HSD17B12: variants seen among roughly 807,000 people sequenced by gnomAD.
The protein encoded by HSD17B12 is hydroxysteroid 17-beta dehydrogenase 12.
In HSD17B12, 32 loss-of-function variants were observed where a neutral mutation model predicts 39.3. That is an observed-to-expected ratio of 0.81 (90% confidence interval 0.61 to 1.09). The LOEUF is 1.09. Among genes scored for constraint, HSD17B12 ranks in the 50% least tolerant of loss-of-function variants. The pLI, the probability that HSD17B12 is intolerant of heterozygous loss-of-function variation, is 0.00. For synonymous variants in HSD17B12, 150 were observed against 146.7 expected, an observed-to-expected ratio of 1.02 and a Z score of -0.16; for missense variants, 342 against 382.9, an observed-to-expected ratio of 0.89 and a Z score of 0.89.
rs987010384 is a variant in HSD17B12, at chr11:43,855,239, G to A, written c.930G>A (p.Lys310=). 1 of 1,599,800 alleles carries A rather than the reference G, an allele frequency of 6.3e-7. No individual in the cohort carries two copies. The highest frequency in any genetic ancestry group is 1.3e-5 in the African/African-American group (1 of 74,442). ...GGGCTCACTATCTGAAGAAAACCAA[G>A]AAGAACTAAGCATTGATAACTGCAT... ...STRAHYLKKT[K]KN The change falls in exon 11 of 11, where the codon AAG becomes AAA. Residue 310 remains lysine (K), a synonymous_variant. Coordinates refer to ENST00000278353, the MANE Select transcript of HSD17B12 (RefSeq NM_016142.3).
At chr11:43,574,957 G>C in the HSD17B12 span, among the ~76,000 whole-genome samples, 1 of 152,108 alleles carries the variant, frequency 6.6e-6, no homozygotes, top group Non-Finnish European at 1.5e-5. Flanking sequence ...TTCCTCTTCG[G>C]GTGGAGAGCA....
intron 3 of HSD17B12, among the ~76,000 whole-genome samples, chr11:43,767,186 G>A (rs1047106508): frequency 2.0e-5 from 3 of 150,916 alleles, no homozygotes; most frequent in African/African-American, 4.9e-5. Context: ...GATTATTGAT[G>A]GTTCAGTGAC....
intron 9 of HSD17B12, chr11:43,853,975 C>A (rs1319965789): frequency 6.6e-6 from 1 of 152,170 alleles, no homozygotes; most frequent in Non-Finnish European, 1.5e-5. Context: ...TGTTGAATCA[C>A]ATCCAAAATG....
the HSD17B12 span, among the ~76,000 whole-genome samples, chr11:43,588,610 C>CTTATTATTATTAT: frequency 2.8e-5 from 4 of 144,974 alleles, no homozygotes; most frequent in Non-Finnish European, 6.0e-5. Flanking sequence ...TTATTATTAG[C>CTTATTATTATTAT]TATTATTATT....
chr11:43,592,587 G>T, the HSD17B12 span, among the ~76,000 whole-genome samples: 1 of 152,130 alleles, frequency 6.6e-6, no homozygotes, highest in African/African-American at 2.4e-5. Context: ...AAGAAGCTGA[G>T]ACATGAAGTG....
At chr11:43,713,510 T>G (rs1468731671) in intron 1 of HSD17B12, among the ~76,000 whole-genome samples, 2 of 152,140 alleles carry the variant, frequency 1.3e-5, no homozygotes, top group African/African-American at 4.8e-5. Flanking sequence ...TGCCACATTT[T>G]CTTAATCCAG....
the HSD17B12 span, among the ~76,000 whole-genome samples, chr11:43,631,920 C>T: frequency 3.9e-5 from 6 of 152,124 alleles, no homozygotes; most frequent in African/African-American, 1.2e-4. Flanking sequence ...CCTCTTTGGC[C>T]TCTCATCCCT....
chr11:43,580,056 T>A, the HSD17B12 span, among the ~76,000 whole-genome samples: 28 of 119,842 alleles, frequency 2.3e-4, no homozygotes, highest in African/African-American at 7.2e-4. Context: ...ACACCCTGCT[T>A]AGGTACTAAT....
At chr11:43,675,887 G>A (rs1001090167), upstream of HSD17B12, among the ~76,000 whole-genome samples, 9 of 152,094 alleles carry the variant, frequency 5.9e-5, no homozygotes, top group South Asian at 1.9e-3. Flanking sequence ...CCAGGCAGGC[G>A]GATAATTTGA....
intron 3 of HSD17B12, among the ~76,000 whole-genome samples, chr11:43,764,905 G>A (rs1332444641): frequency 1.3e-5 from 2 of 152,062 alleles, no homozygotes; most frequent in Non-Finnish European, 2.9e-5. Context: ...TCTACATTCA[G>A]TGTCATTATT....
At chr11:43,675,931 G>A (rs1000161540), upstream of HSD17B12, among the ~76,000 whole-genome samples, 1 of 152,110 alleles carries the variant, frequency 6.6e-6, no homozygotes, top group African/African-American at 2.4e-5. Context: ...GGCCAACATG[G>A]TGAAACCCTG....
At chr11:43,818,428 T>C (rs891893456) in intron 6 of HSD17B12, among the ~76,000 whole-genome samples, 1 of 152,198 alleles carries the variant, frequency 6.6e-6, no homozygotes, top group Non-Finnish European at 1.5e-5. Context: ...CCATTTTTTC[T>C]TATATTGTAT....
intron 1 of HSD17B12, among the ~76,000 whole-genome samples, chr11:43,703,924 T>A (rs529612281): frequency 6.6e-6 from 1 of 152,334 alleles, no homozygotes; most frequent in African/African-American, 2.4e-5. Flanking sequence ...CTGATCCTTA[T>A]TTTTTATTTT....
rs1247114679 is a variant in HSD17B12 at position 43,687,838 on chromosome 11, G to T, written c.160+6851G>T. 2.6e-5 allele frequency among the ~76,000 whole-genome samples: 4 copies of T among 152,204 alleles called. No individual in the cohort carries two copies. The East Asian group carries it at 7.7e-4, about 29-fold the overall frequency. The stretch of plus-strand genomic sequence containing the variant: ...TATGACTTCCCTAGAGTTATTGCCG[G>T]CCCTCTTTGGGAAAACATTGTTACA... On this transcript the variant is annotated intron_variant, in intron 1 of 10. Transcript: ENST00000278353.
At chr11:43,852,582 T>C (rs918680652) in intron 9 of HSD17B12, 2 of 152,164 alleles carry the variant, frequency 1.3e-5, no homozygotes, top group African/African-American at 4.8e-5. Context: ...TTTCTTTCCT[T>C]ACTGCTCAAC....
chr11:43,768,387 C>G (rs1332650888), intron 3 of HSD17B12, among the ~76,000 whole-genome samples: 1 of 152,176 alleles, frequency 6.6e-6, no homozygotes, highest in Non-Finnish European at 1.5e-5. Flanking sequence ...CAGAGTCTCA[C>G]TCTGTACCCC....
intron 1 of HSD17B12, among the ~76,000 whole-genome samples, chr11:43,698,331 C>CCT (rs1949931585): frequency 6.6e-6 from 1 of 152,158 alleles, no homozygotes; most frequent in South Asian, 2.1e-4. Context: ...CCAAGCTGAG[C>CCT]CTAAGTCCTT....
intron 1 of HSD17B12, among the ~76,000 whole-genome samples, chr11:43,747,448 C>G (rs1565073607): frequency 6.6e-6 from 1 of 151,986 alleles, no homozygotes; most frequent in Non-Finnish European, 1.5e-5. Flanking sequence ...TTGTGGGGTG[C>G]CTGCATAAAC....
At chr11:43,641,379 G>A in the HSD17B12 span, among the ~76,000 whole-genome samples, 3 of 151,668 alleles carry the variant, frequency 2.0e-5, no homozygotes, top group Admixed American at 1.3e-4. Flanking sequence ...AAAATATTTA[G>A]CAAAATCAAA....
Sources: gnomAD v4.1 joint callset for allele counts (sites outside exome capture counted in the v4.1 genomes callset) on GRCh38, gnomAD v4.1.1 for gene constraint, MANE v1.5 for transcripts, NCBI Gene and HGNC (gene_info 2026-07-23, HGNC 2026-07-21) for gene names.